ELP4: variants seen among roughly 807,000 people sequenced by gnomAD.
ELP4 encodes elongator acetyltransferase complex subunit 4, also known as elongator complex protein 4.
ELP4 carries 51 observed loss-of-function variants against 48.9 expected under a neutral mutation model. The ratio of observed to expected loss-of-function variants is 1.04; its 90% CI spans 0.83 to 1.32. ELP4 has a LOEUF of 1.32. Among genes scored for constraint, ELP4 ranks in the 40% most tolerant of loss-of-function variants. The probability of loss-of-function intolerance (pLI) is 0.00; values close to 1 mark genes in which losing one functional copy is unlikely to be tolerated. For synonymous variants in ELP4, 210 were observed against 189.2 expected (o/e 1.11, Z -0.90); for missense variants, 519 against 514.6 (o/e 1.01, Z -0.08).
At chr11:31,555,312 A>G (rs1011180663) in intron 3 of ELP4, among the ~76,000 whole-genome samples, 1 of 151,986 alleles carries the variant, frequency 6.6e-6, no homozygotes, top group Non-Finnish European at 1.5e-5. Context: ...GCATTTTTAA[A>G]CTATTTGAAT....
At chr11:31,618,712 G>T (rs534941525) in intron 5 of ELP4, among the ~76,000 whole-genome samples, 76 of 152,196 alleles carry the variant, frequency 5.0e-4, no homozygotes, top group African/African-American at 1.7e-3. Flanking sequence ...GTACATTAAT[G>T]GTTCCTTAGG....
chr11:31,613,019 C>T (rs1271336321), intron 5 of ELP4, among the ~76,000 whole-genome samples: 1 of 152,174 alleles, frequency 6.6e-6, no homozygotes. Context: ...TACCACCTTT[C>T]GAGGGAAATT....
intron 9 of ELP4, among the ~76,000 whole-genome samples, chr11:31,752,437 A>G (rs1181517065): frequency 6.6e-6 from 1 of 152,168 alleles, no homozygotes; most frequent in African/African-American, 2.4e-5. Context: ...TATTTCTACT[A>G]AAGTCAGGAG....
chr11:31,790,261 A>T lies in ELP4; in HGVS notation c.*6737A>T. 7.8e-6 allele frequency: 1 copy of T among 128,132 alleles called. No homozygotes were observed. Among genetic ancestry groups the T allele is most frequent in the Non-Finnish European group, 1.5e-5 (1 of 66,838 alleles). 7.9% of individuals were successfully genotyped at this position (128,132 alleles called of 1,614,324 possible). A position where few individuals can be genotyped will look rare whatever the true frequency, so the allele number is the denominator to read the frequency against. Reference sequence around the variant, plus strand: ...CCCCCACCCCAATCCAAAGGAAAAGAAAAAAAAAATCCTCTGTTTGTTTGC... The same window carrying T: ...CCCCCACCCCAATCCAAAGGAAAAGTAAAAAAAAATCCTCTGTTTGTTTGC... On this transcript the variant is annotated 3_prime_UTR_variant, in exon 10 of 10. Transcript: ENST00000640961.
intron 2 of ELP4, among the ~76,000 whole-genome samples, chr11:31,526,540 G>A (rs60698402): frequency 0.029 from 4,346 of 151,764 alleles, 202 homozygotes; most frequent in African/African-American, 0.099. Context: ...AACATCTAAC[G>A]TAGTATACTA....
chr11:31,580,299 A>T (rs996641271), intron 3 of ELP4, among the ~76,000 whole-genome samples: 2 of 152,216 alleles, frequency 1.3e-5, no homozygotes, highest in African/African-American at 4.8e-5. Flanking sequence ...GAATAAATTT[A>T]GTATACTCTT....
Position 31,789,670 on chromosome 11 carries a change from T to C in ELP4, c.*6146T>C. 1.4e-6 allele frequency: 1 copy of C among 701,946 alleles called. No homozygotes were observed. Among genetic ancestry groups the C allele is most frequent in the Non-Finnish European group, 2.6e-6 (1 of 384,638 alleles). 43.5% of individuals were successfully genotyped at this position (701,946 alleles called of 1,614,324 possible). ...TTTCATTATAACATACAAATGCCCA[T>C]TTACAAATAATACACCAAAATGAAT... On this transcript the variant is annotated 3_prime_UTR_variant, in exon 10 of 10. Transcript: ENST00000640961.
intron 3 of ELP4, among the ~76,000 whole-genome samples, chr11:31,558,061 C>T (rs72892554): frequency 0.042 from 6,366 of 151,838 alleles, 216 homozygotes; most frequent in Admixed American, 0.072. Flanking sequence ...AGTTATCAGG[C>T]TATCTATACA....
In ELP4 at chr11:31,647,371, A is replaced by C. The variant is rs142661308; in HGVS notation, c.928-370A>C. ...ATCCTGCTGTCTGACAGGTTTTCCAATGGGCATTGGATGAAGTAATTTGAA... is the reference window on the plus strand; with the variant it reads ...ATCCTGCTGTCTGACAGGTTTTCCACTGGGCATTGGATGAAGTAATTTGAA... On this transcript the variant is annotated intron_variant, in intron 7 of 9. Transcript: ENST00000640961. 7.0e-4 allele frequency: 130 copies of C among 185,012 alleles called. No individual in the cohort carries two copies. The East Asian group carries it at 0.02, about 28-fold the overall frequency. The allele number at this position is 185,012 out of a possible 1,614,324, so 11.5% of individuals were successfully genotyped here. A position where few individuals can be genotyped will look rare whatever the true frequency, so the allele number is the denominator to read the frequency against.
At chr11:31,525,315 T>C (rs1367662915) in intron 2 of ELP4, among the ~76,000 whole-genome samples, 3 of 152,206 alleles carry the variant, frequency 2.0e-5, no homozygotes, top group Admixed American at 2.0e-4. Context: ...TGCAGTCCTT[T>C]AGTAGAACCA....
At chr11:31,540,679 TAC>T (rs1483397686) in intron 3 of ELP4, among the ~76,000 whole-genome samples, 1 of 152,186 alleles carries the variant, frequency 6.6e-6, no homozygotes, top group Non-Finnish European at 1.5e-5. Flanking sequence ...AAAATGTTCA[TAC>T]ATATAAAAAT....
chr11:31,704,678 T>G (rs1409845182), intron 9 of ELP4, among the ~76,000 whole-genome samples: 1 of 152,076 alleles, frequency 6.6e-6, no homozygotes, highest in East Asian at 1.9e-4. Flanking sequence ...AAATAAATTT[T>G]GATTTAGATC....
intron 3 of ELP4, 118 bp downstream of exon 3, chr11:31,539,901 G>T: frequency 1.4e-6 from 1 of 727,376 alleles, no homozygotes. Context: ...TGCATTAACG[G>T]AACCATACAT....
intron 9 of ELP4, chr11:31,681,741 C>CT (rs367852606): frequency 0.21 from 30,325 of 141,994 alleles, 4,729 homozygotes; most frequent in African/African-American, 0.45. Flanking sequence ...TATTTCTTTC[C>CT]TTTTTTTTTT....
chr11:31,621,404 A>C (rs1244333512), intron 5 of ELP4, among the ~76,000 whole-genome samples: 1 of 151,940 alleles, frequency 6.6e-6, no homozygotes, highest in Non-Finnish European at 1.5e-5. Flanking sequence ...ACTGATTTTA[A>C]TGAGAAAAAC....
intron 5 of ELP4, among the ~76,000 whole-genome samples, 185 bp from the exon 6 acceptor site, chr11:31,626,925 G>T (rs866647853): frequency 2.0e-5 from 3 of 151,666 alleles, no homozygotes; most frequent in African/African-American, 7.3e-5. Context: ...TTATAATAAG[G>T]CATTGTAACT....
At chr11:31,529,344 G>A (rs1956354712) in intron 2 of ELP4, among the ~76,000 whole-genome samples, 1 of 152,070 alleles carries the variant, frequency 6.6e-6, no homozygotes, top group Non-Finnish European at 1.5e-5. Context: ...CTCCTGGCAG[G>A]CCCAAAGAAC....
intron 4 of ELP4, chr11:31,599,485 A>G (rs1957739313): frequency 6.0e-5 from 1 of 16,628 alleles, no homozygotes; most frequent in African/African-American, 7.7e-5. Context: ...ATTTTAATAC[A>G]CACACACACA....
chr11:31,553,765 C>CA (rs1592111473), intron 3 of ELP4, among the ~76,000 whole-genome samples: 5 of 144,026 alleles, frequency 3.5e-5, no homozygotes, highest in African/African-American at 1.4e-4. Context: ...CACACACACA[C>CA]CCTATTGGTT....
Sources: allele counts gnomAD v4.1 joint callset (sites outside exome capture counted in the v4.1 genomes callset), GRCh38; gene constraint gnomAD v4.1.1; transcripts MANE v1.5; gene names NCBI Gene and HGNC (gene_info 2026-07-23, HGNC 2026-07-21).